The following ATP10B variants were observed in gnomAD, a reference collection of about 807,000 sequenced individuals.
ATP10B encodes phospholipid-transporting ATPase VB.
A neutral mutation model predicts 141.2 loss-of-function variants in ATP10B; 122 were observed. The observed-to-expected ratio is 0.86, with a 90% CI of 0.75 to 1.00. The LOEUF is 1.00. Among genes scored for constraint, ATP10B ranks in the 50% least tolerant of loss-of-function variants. The pLI is 0.00. For missense variants in ATP10B, 1,876 were observed against 1,825.3 expected (o/e 1.03, Z -0.51); for synonymous variants, 685 against 692.0 (o/e 0.99, Z 0.16).
chr5:160,679,503 T>C (rs1323867160), intron 6 of ATP10B, among the ~76,000 whole-genome samples: 1 of 152,246 alleles, frequency 6.6e-6, no homozygotes, highest in East Asian at 1.9e-4. Flanking sequence ...CCTGAAATTT[T>C]ACTTCTTTTA....
intron 1 of ATP10B, among the ~76,000 whole-genome samples, chr5:160,812,020 C>CACACAGAG (rs1211580744): frequency 5.4e-5 from 6 of 111,528 alleles, no homozygotes; most frequent in East Asian, 3.3e-4. Flanking sequence ...GAGACAGAGA[C>CACACAGAG]AGAGAGAGAG....
chr5:160,709,325 G>C (rs1765213482), intron 3 of ATP10B, among the ~76,000 whole-genome samples: 1 of 152,126 alleles, frequency 6.6e-6, no homozygotes, highest in Non-Finnish European at 1.5e-5. Flanking sequence ...GGAGATGTTT[G>C]TAACATTATT....
upstream of ATP10B, among the ~76,000 whole-genome samples, chr5:160,853,001 G>C (rs1030935475): frequency 2.0e-5 from 3 of 152,138 alleles, no homozygotes; most frequent in African/African-American, 7.2e-5. Flanking sequence ...GATTTTGGTT[G>C]GTTGGTAGAG....
At chr5:160,815,570 G>T (rs1773543184) in intron 1 of ATP10B, among the ~76,000 whole-genome samples, 1 of 129,642 alleles carries the variant, frequency 7.7e-6, no homozygotes, top group Non-Finnish European at 1.8e-5. Context: ...AATAATACGA[G>T]ACTAACACCC....
intron 7 of ATP10B, among the ~76,000 whole-genome samples, chr5:160,657,042 G>A (rs573464797): frequency 3.9e-5 from 6 of 152,240 alleles, no homozygotes; most frequent in East Asian, 1.9e-4. Context: ...GCAAAATGGC[G>A]GCACTGACCG....
chr5:160,590,945 T>C, intron 23 of ATP10B, 114 bp downstream of exon 23: 1 of 832,616 alleles, frequency 1.2e-6, no homozygotes, highest in Non-Finnish European at 1.9e-6. Flanking sequence ...AGGCTACCTG[T>C]TTGAGCCTCT....
intron 2 of ATP10B, among the ~76,000 whole-genome samples, chr5:160,731,620 G>T (rs1219975708): frequency 2.0e-5 from 3 of 152,182 alleles, no homozygotes; most frequent in African/African-American, 7.2e-5. Context: ...TGCCAGTGCA[G>T]TTGGTTAAGA....
intron 2 of ATP10B, among the ~76,000 whole-genome samples, chr5:160,770,415 A>G (rs2127855149): frequency 7.0e-6 from 1 of 142,906 alleles, no homozygotes; most frequent in African/African-American, 2.7e-5. Flanking sequence ...TGGCCCTGGT[A>G]TATTTTCGTT....
the ATP10B span, among the ~76,000 whole-genome samples, chr5:160,908,835 A>G: frequency 1.3e-5 from 2 of 152,096 alleles, no homozygotes; most frequent in African/African-American, 4.8e-5. Context: ...TTATTCCCTT[A>G]TTCTCACCAT....
chr5:160,829,258 A>G (rs900159469), intron 1 of ATP10B, among the ~76,000 whole-genome samples: 1 of 151,688 alleles, frequency 6.6e-6, no homozygotes, highest in African/African-American at 2.4e-5. Flanking sequence ...CAAAAATTAG[A>G]TGGTTGTAGG....
At chr5:160,733,732 C>T (rs1365791929) in intron 2 of ATP10B, among the ~76,000 whole-genome samples, 1 of 149,704 alleles carries the variant, frequency 6.7e-6, no homozygotes, top group Non-Finnish European at 1.5e-5. Flanking sequence ...GAATAAGGGC[C>T]AGAAATGATT....
At chr5:160,865,899 A>G in the ATP10B span, among the ~76,000 whole-genome samples, 1 of 152,176 alleles carries the variant, frequency 6.6e-6, no homozygotes, top group Non-Finnish European at 1.5e-5. Context: ...CCATAATTAA[A>G]AAGTCAAAAA....
chr5:160,601,222 A>G (rs1757082977), intron 21 of ATP10B, among the ~76,000 whole-genome samples: 1 of 152,202 alleles, frequency 6.6e-6, no homozygotes, highest in African/African-American at 2.4e-5. Context: ...TTATCTACAT[A>G]TACATTGAAC....
intron 2 of ATP10B, among the ~76,000 whole-genome samples, chr5:160,781,107 G>T (rs151004066): frequency 1.3e-5 from 2 of 152,300 alleles, no homozygotes; most frequent in East Asian, 1.9e-4. Context: ...GGTTAAAGCA[G>T]AAAGATCTCT....
intron 7 of ATP10B, among the ~76,000 whole-genome samples, chr5:160,665,322 G>C (rs1019816389): frequency 3.3e-5 from 5 of 152,204 alleles, no homozygotes; most frequent in Non-Finnish European, 7.3e-5. Flanking sequence ...AGAATGAACT[G>C]CTTAAGCCAT....
intron 15 of ATP10B, among the ~76,000 whole-genome samples, chr5:160,619,403 C>A (rs766889109): frequency 3.9e-5 from 6 of 152,172 alleles, no homozygotes; most frequent in Non-Finnish European, 7.3e-5. Context: ...ATCTCCAGGG[C>A]AGCTTGGATG....
At chr5:160,918,115 C>A in the ATP10B span, among the ~76,000 whole-genome samples, 1 of 152,186 alleles carries the variant, frequency 6.6e-6, no homozygotes, top group Non-Finnish European at 1.5e-5. Flanking sequence ...AATAGGGATG[C>A]AGATGATCAA....
chr5:160,777,028 G>T (rs1770382253), intron 2 of ATP10B, among the ~76,000 whole-genome samples: 2 of 152,228 alleles, frequency 1.3e-5, no homozygotes, highest in African/African-American at 4.8e-5. Flanking sequence ...GCCTGAGCCA[G>T]ACCCTGCCTC....
At chr5:160,897,083 A>G in the ATP10B span, among the ~76,000 whole-genome samples, 1 of 152,232 alleles carries the variant, frequency 6.6e-6, no homozygotes, top group Admixed American at 6.5e-5. Context: ...CACAGCCAAT[A>G]TTATACTGAA....
Sources: gnomAD v4.1 joint callset for allele counts (sites outside exome capture counted in the v4.1 genomes callset) on GRCh38, gnomAD v4.1.1 for gene constraint, MANE v1.5 for transcripts, NCBI Gene and HGNC (gene_info 2026-07-23, HGNC 2026-07-21) for gene names.